The following ZNF516 variants were observed in gnomAD, a reference collection of about 807,000 sequenced individuals.
ZNF516 encodes the protein zinc finger protein 516.
ZNF516 carries 19 observed loss-of-function variants against 79.7 expected under a neutral mutation model. The observed-to-expected ratio is 0.24, with a 90% CI of 0.17 to 0.35. The LOEUF is 0.35. Among genes scored for constraint, ZNF516 ranks in the 10% least tolerant of loss-of-function variants. The probability of loss-of-function intolerance (pLI) is 1.00; values close to 1 mark genes in which losing one functional copy is unlikely to be tolerated. For synonymous variants in ZNF516, 877 were observed against 739.5 expected (o/e 1.19, Z -3.02); for missense variants, 1,678 against 1,679.5 (o/e 1.00, Z 0.02).
chr18:76,460,277 C>A (rs543267181), intron 2 of ZNF516, among the ~76,000 whole-genome samples: 1 of 152,164 alleles, frequency 6.6e-6, no homozygotes, highest in Non-Finnish European at 1.5e-5. Context: ...ATTTCACAGA[C>A]GAGGACGCTG....
At chr18:76,455,564 C>T (rs1912671441) in intron 2 of ZNF516, among the ~76,000 whole-genome samples, 1 of 152,188 alleles carries the variant, frequency 6.6e-6, no homozygotes, top group African/African-American at 2.4e-5. Flanking sequence ...CAAGGGCAGA[C>T]AGGAGAGCCA....
chr18:76,385,304 C>T (rs756046181), intron 3 of ZNF516, among the ~76,000 whole-genome samples: 15 of 152,204 alleles, frequency 9.9e-5, no homozygotes, highest in Admixed American at 2.0e-4. Flanking sequence ...TGCCGCACAC[C>T]GCCGACAAGC....
At chr18:76,371,003 C>T (rs1316004218) in intron 5 of ZNF516, among the ~76,000 whole-genome samples, 3 of 152,194 alleles carry the variant, frequency 2.0e-5, no homozygotes, top group African/African-American at 2.4e-5. Context: ...CCAGCCCGAT[C>T]GGGTGCAAGC....
chr18:76,395,938 A>C (rs956520127), intron 3 of ZNF516, among the ~76,000 whole-genome samples: 1 of 152,194 alleles, frequency 6.6e-6, no homozygotes, highest in African/African-American at 2.4e-5. Flanking sequence ...GCAAAGCTGC[A>C]AGTGAAAGAG....
At chr18:76,427,807 A>G (rs1349867674) in intron 3 of ZNF516, among the ~76,000 whole-genome samples, 1 of 152,254 alleles carries the variant, frequency 6.6e-6, no homozygotes, top group Admixed American at 6.5e-5. Flanking sequence ...AAGTTCATGG[A>G]CAAGTACATC....
At chr18:76,405,554 G>A (rs928792525) in intron 3 of ZNF516, among the ~76,000 whole-genome samples, 39 of 152,042 alleles carry the variant, frequency 2.6e-4, no homozygotes, top group African/African-American at 9.2e-4. Context: ...CTCCTTTCCT[G>A]GTTCCTGTCT....
At chr18:76,489,998 C>A (rs1440584697) in intron 1 of ZNF516, 1 of 191,156 alleles carries the variant, frequency 5.2e-6, no homozygotes, top group Non-Finnish European at 9.6e-6. Flanking sequence ...AAGGTTAATG[C>A]GCTCTGGTGT....
At chr18:76,494,285 G>A (rs992901380) in intron 1 of ZNF516, among the ~76,000 whole-genome samples, 1 of 152,058 alleles carries the variant, frequency 6.6e-6, no homozygotes, top group African/African-American at 2.4e-5. Flanking sequence ...AAATGGCAGC[G>A]GAGGCGCCTC....
intron 1 of ZNF516, among the ~76,000 whole-genome samples, chr18:76,473,801 C>CAA (rs879452949): frequency 7.9e-5 from 8 of 101,570 alleles, no homozygotes; most frequent in African/African-American, 1.5e-4. Flanking sequence ...ACTCCATCTC[C>CAA]AAAAAAAAAA....
At chr18:76,492,948 G>A (rs1915322320) in intron 1 of ZNF516, 1 of 985,644 alleles carries the variant, frequency 1.0e-6, no homozygotes, top group African/African-American at 1.7e-5. Flanking sequence ...AGACTTCACA[G>A]TGTGCAGACA....
In ZNF516 at chr18:76,380,149, G is replaced by C. The variant is rs371923323; in HGVS notation, c.1965C>G (p.Asn655Lys). The change falls in exon 4 of 7, where the codon AAC becomes AAG. Residue 655 changes from asparagine to lysine, a missense_variant. Physicochemically the swap from Asn to Lys is moderately conservative, Grantham distance 94 (BLOSUM62 0). This residue lies in a region of ZNF516 where 1,294 missense variants were observed against 1,248.3 expected (regional missense o/e 1.04). Coordinates refer to ENST00000443185, the MANE Select transcript of ZNF516 (RefSeq NM_014643.4). ...GIAASVSILE[N>K]SSRETSRRQE... The stretch of plus-strand genomic sequence containing the variant: ...GCCTTCTAGAAGTCTCTCTGCTACT[G>C]TTTTCAAGTATGGACACAGAAGCTG... 3.7e-6 allele frequency: 6 copies of C among 1,613,804 alleles called. No homozygotes were observed. Among genetic ancestry groups the C allele is most frequent in the African/African-American group, 2.7e-5 (2 of 74,872 alleles).
At chr18:76,398,561 T>C (rs370363358) in intron 3 of ZNF516, among the ~76,000 whole-genome samples, 5 of 152,006 alleles carry the variant, frequency 3.3e-5, no homozygotes, top group South Asian at 4.2e-4. Flanking sequence ...TAAGGAAGCT[T>C]AGAGTAAGGA....
intron 3 of ZNF516, among the ~76,000 whole-genome samples, chr18:76,424,046 C>T (rs1204327824): frequency 1.6e-5 from 2 of 124,122 alleles, no homozygotes; most frequent in Non-Finnish European, 3.4e-5. Flanking sequence ...GGGTCCCCCC[C>T]GAAACACACG....
chr18:76,480,654 C>G (rs1335385531), intron 1 of ZNF516, among the ~76,000 whole-genome samples: 2 of 152,002 alleles, frequency 1.3e-5, no homozygotes, highest in Admixed American at 1.3e-4. Flanking sequence ...TCCCAAGTAG[C>G]TGGGATTACA....
intron 3 of ZNF516, among the ~76,000 whole-genome samples, chr18:76,434,591 G>A (rs991108629): frequency 1.3e-5 from 2 of 152,190 alleles, no homozygotes; most frequent in African/African-American, 4.8e-5. Context: ...ACACCCCACA[G>A]GACTTCTGCA....
At chr18:76,401,330 C>T (rs2075217857) in intron 3 of ZNF516, among the ~76,000 whole-genome samples, 1 of 151,622 alleles carries the variant, frequency 6.6e-6, no homozygotes, top group Non-Finnish European at 1.5e-5. Flanking sequence ...CTCTGGAAAG[C>T]CCTAATTACT....
chr18:76,456,923 ATC>A lies in ZNF516; in HGVS notation c.-158+6103_-158+6104del, dbSNP rs1209851308. On this transcript the variant is annotated intron_variant, in intron 2 of 6. Coordinates refer to ENST00000443185, the MANE Select transcript of ZNF516 (RefSeq NM_014643.4). ...AATCACTTTGCTGCATTAAATATGCATCTGTTATATTGTGCTGTGAGGCTGGG... is the reference window on the plus strand; with the variant it reads ...AATCACTTTGCTGCATTAAATATGCATGTTATATTGTGCTGTGAGGCTGGG... Among the ~76,000 whole-genome samples, 7 of 152,198 alleles carry A rather than the reference ATC, an allele frequency of 4.6e-5. No homozygotes were observed. The East Asian group carries it at 1.3e-3, about 29-fold the overall frequency.
intron 3 of ZNF516, among the ~76,000 whole-genome samples, chr18:76,412,757 T>C (rs2075386967): frequency 6.6e-6 from 1 of 152,202 alleles, no homozygotes; most frequent in Non-Finnish European, 1.5e-5. Flanking sequence ...CTCAAGATTT[T>C]GTCTGGACAC....
chr18:76,431,691 C>G (rs1229196457), intron 3 of ZNF516, among the ~76,000 whole-genome samples: 3 of 152,206 alleles, frequency 2.0e-5, no homozygotes, highest in South Asian at 2.1e-4. Flanking sequence ...ACCTTCCCTT[C>G]TCTCTCTTGC....
Sources: gnomAD v4.1 joint callset for allele counts (sites outside exome capture counted in the v4.1 genomes callset) on GRCh38, gnomAD v4.1.1 for gene constraint, gnomAD v4.1.1 regional missense constraint, MANE v1.5 for transcripts, NCBI Gene and HGNC (gene_info 2026-07-23, HGNC 2026-07-21) for gene names.